ASXL3: variants seen among roughly 807,000 people sequenced by gnomAD.
ASXL3 encodes the protein ASXL transcriptional regulator 3, also known as putative Polycomb group protein ASXL3.
In ASXL3, 34 loss-of-function variants were observed where a neutral mutation model predicts 170.6. The ratio of observed to expected loss-of-function variants is 0.20; its 90% CI spans 0.15 to 0.27. ASXL3 has a LOEUF of 0.27. ASXL3 is among the 10% of genes least tolerant of loss of function. The pLI, the probability that ASXL3 is intolerant of heterozygous loss-of-function variation, is 1.00. For missense variants in ASXL3, 2,592 were observed against 2,695.3 expected (o/e 0.96, Z 0.85); for synonymous variants, 1,002 against 989.1 (o/e 1.01, Z -0.24).
At chr18:33,651,091 C>T (rs748195890) in intron 4 of ASXL3, among the ~76,000 whole-genome samples, 10 of 152,104 alleles carry the variant, frequency 6.6e-5, no homozygotes, top group Non-Finnish European at 1.5e-4. Flanking sequence ...ACAGGGAACA[C>T]TTAGTAGCCA....
At chr18:33,648,360 C>T (rs1301627692) in intron 4 of ASXL3, among the ~76,000 whole-genome samples, 1 of 151,984 alleles carries the variant, frequency 6.6e-6, no homozygotes, top group East Asian at 1.9e-4. Flanking sequence ...AAGCTGCTGG[C>T]AGATAAATGT....
intron 1 of ASXL3, among the ~76,000 whole-genome samples, chr18:33,601,366 A>G (rs2065180923): frequency 1.3e-5 from 2 of 151,952 alleles, no homozygotes; most frequent in Admixed American, 1.3e-4. Context: ...CTTTATATTC[A>G]TTATCTCATT....
intron 2 of ASXL3, among the ~76,000 whole-genome samples, chr18:33,611,423 T>A (rs1045597758): frequency 6.6e-6 from 1 of 152,090 alleles, no homozygotes; most frequent in Non-Finnish European, 1.5e-5. Context: ...ATTTTATTAA[T>A]GTCATTTTCT....
chr18:33,741,650 A>G (rs1197876919), intron 11 of ASXL3, among the ~76,000 whole-genome samples: 1 of 152,224 alleles, frequency 6.6e-6, no homozygotes, highest in African/African-American at 2.4e-5. Context: ...GAGAAACAAG[A>G]TAGCTCAGGA....
intron 1 of ASXL3, among the ~76,000 whole-genome samples, chr18:33,584,422 A>G (rs1484946872): frequency 2.0e-5 from 3 of 152,166 alleles, no homozygotes; most frequent in Non-Finnish European, 4.4e-5. Flanking sequence ...TTCTCCTTGC[A>G]CACACAAAGA....
rs1287313472 is a variant in ASXL3, at chr18:33,740,076, A to G, written c.2672A>G (p.Asp891Gly). The change falls in exon 11 of 12, where the codon GAT becomes GGT. Residue 891 changes from aspartate to glycine, a missense_variant. Physicochemically the swap from Asp to Gly is moderately conservative, Grantham distance 94 (BLOSUM62 -1). Transcript: ENST00000269197. Reference sequence around the variant, plus strand: ...TTATCTGTCTTTTCTGAAGGGACAGATAATAAGGGAAATGAGCTTCCATCT... The same window carrying G: ...TTATCTGTCTTTTCTGAAGGGACAGGTAATAAGGGAAATGAGCTTCCATCT... ...LELSVFSEGT[D>G]NKGNELPSAK... The G allele has an allele frequency of 6.2e-7, 1 of 1,613,992 alleles. No individual in the cohort carries two copies.
chr18:33,682,174 C>T lies in ASXL3; in HGVS notation c.716-1231C>T, dbSNP rs377341798. Among the ~76,000 whole-genome samples, 6 of 152,172 alleles carry T rather than the reference C, an allele frequency of 3.9e-5. No homozygotes were observed. In the East Asian group the frequency reaches 5.8e-4, roughly 15 times the overall value. ...CTGTGACAACTCTTCAGCTCCACATCGTAGTGCAAAAGCAGACATACACGA... is the reference window on the plus strand; with the variant it reads ...CTGTGACAACTCTTCAGCTCCACATTGTAGTGCAAAAGCAGACATACACGA... On this transcript the variant is annotated intron_variant, in intron 7 of 11. Coordinates refer to ENST00000269197, the MANE Select transcript of ASXL3 (RefSeq NM_030632.3).
chr18:33,614,852 C>T (rs1183703225), intron 2 of ASXL3: 2 of 151,228 alleles, frequency 1.3e-5, no homozygotes, highest in Non-Finnish European at 2.9e-5. Flanking sequence ...AGCAGTACGT[C>T]TTAACAGCTT....
chr18:33,686,847 G>T (rs1447925265), intron 8 of ASXL3, among the ~76,000 whole-genome samples: 1 of 152,158 alleles, frequency 6.6e-6, no homozygotes, highest in African/African-American at 2.4e-5. Context: ...GAAGGGAAGA[G>T]AATCCAAAGG....
At chr18:33,674,764 G>A (rs2066398841) in intron 7 of ASXL3, among the ~76,000 whole-genome samples, 3 of 151,638 alleles carry the variant, frequency 2.0e-5, no homozygotes, top group African/African-American at 4.9e-5. Flanking sequence ...GACTACAGGC[G>A]CCCACCACCA....
At chr18:33,740,584 T>C in intron 11 of ASXL3, 141 bp downstream of exon 11, 1 of 848,692 alleles carries the variant, frequency 1.2e-6, no homozygotes, top group Non-Finnish European at 1.7e-6. Context: ...TAGTAAATGA[T>C]CCTCTTTATG....
chr18:33,705,913 C>G (rs1213017966), intron 8 of ASXL3, among the ~76,000 whole-genome samples: 1 of 151,774 alleles, frequency 6.6e-6, no homozygotes, highest in Non-Finnish European at 1.5e-5. Context: ...TTAGTTAATA[C>G]CCACACAAAA....
Position 33,744,195 on chromosome 18 carries a change from T to G in ASXL3, c.4347T>G (p.Asn1449Lys), listed in dbSNP as rs374799781. The change falls in exon 12 of 12, where the codon AAT (asparagine) becomes AAG (lysine). Residue 1449 changes from asparagine (N) to lysine (K), a missense_variant. By Grantham distance (94) the Asn-to-Lys change is moderately conservative. Around this residue, in one of 4 missense-constraint regions of ASXL3, gnomAD observed 2,246 missense variants for 2,219.6 expected, o/e 1.01. Coordinates refer to ENST00000269197, the MANE Select transcript of ASXL3 (RefSeq NM_030632.3). ...KNSGPRNRAD[N>K]SGKPQQPPGG... ...CAGGGCCTCGAAACAGGGCAGATAA[T>G]TCTGGAAAACCTCAGCAACCACCAG... is the stretch of plus-strand genomic sequence containing the variant. 6 of 1,613,802 alleles carry G rather than the reference T, an allele frequency of 3.7e-6. No homozygotes were observed. In the African/African-American group the frequency reaches 6.7e-5, roughly 18 times the overall value.
At chr18:33,716,540 T>C (rs1338934097) in intron 8 of ASXL3, among the ~76,000 whole-genome samples, 1 of 152,192 alleles carries the variant, frequency 6.6e-6, no homozygotes. Flanking sequence ...ACAGGCTTTC[T>C]CTATTACTAA....
chr18:33,676,025 C>T (rs2066421403), intron 7 of ASXL3, among the ~76,000 whole-genome samples: 1 of 151,618 alleles, frequency 6.6e-6, no homozygotes, highest in Non-Finnish European at 1.5e-5. Context: ...GAGATCGAGA[C>T]CATCCTGGCT....
intron 1 of ASXL3, among the ~76,000 whole-genome samples, chr18:33,580,340 T>C (rs2064981652): frequency 3.3e-5 from 5 of 152,230 alleles, no homozygotes; most frequent in Non-Finnish European, 7.3e-5. Flanking sequence ...ACATTACTTA[T>C]TGTTTGCTCG....
At chr18:33,620,200 A>G (rs1256430006) in intron 2 of ASXL3, among the ~76,000 whole-genome samples, 1 of 152,158 alleles carries the variant, frequency 6.6e-6, no homozygotes, top group Non-Finnish European at 1.5e-5. Context: ...TCTTAAATTC[A>G]TAATGTAGTT....
At chr18:33,703,107 C>T (rs1311454535) in intron 8 of ASXL3, among the ~76,000 whole-genome samples, 1 of 152,112 alleles carries the variant, frequency 6.6e-6, no homozygotes, top group Non-Finnish European at 1.5e-5. Flanking sequence ...CTCTCTGGTA[C>T]ATTAGTTGAT....
At position 33,745,023 on chromosome 18, in the gene ASXL3, T is replaced by C. The variant is rs2145431146; in HGVS notation, c.5175T>C (p.Asp1725=). Residue 1725 remains aspartate, a synonymous_variant, in exon 12 of 12, where the codon GAT becomes GAC. Transcript: ENST00000269197. ...AAGAGGCTATTTCCTTGGCTACCGA[T>C]GCCCTGAAGAGAGTCCCTGGTGCAG... ...PMEEAISLAT[D]ALKRVPGAGS... 6.2e-7 allele frequency: 1 copy of C among 1,614,020 alleles called. No individual in the cohort carries two copies. Among genetic ancestry groups the C allele is most frequent in the Non-Finnish European group, 8.5e-7 (1 of 1,179,900 alleles).
Sources: gnomAD v4.1 joint callset for allele counts (sites outside exome capture counted in the v4.1 genomes callset) on GRCh38, gnomAD v4.1.1 for gene constraint, gnomAD v4.1.1 regional missense constraint, MANE v1.5 for transcripts, NCBI Gene and HGNC (gene_info 2026-07-23, HGNC 2026-07-21) for gene names.